Variants in GPC5 observed in about 807,000 individuals in gnomAD.
The protein encoded by GPC5 is glypican 5, also known as glypican-5.
A neutral mutation model predicts 53.9 loss-of-function variants in GPC5; 47 were observed. The ratio of observed to expected loss-of-function variants is 0.87; its 90% CI spans 0.69 to 1.11. The LOEUF (loss-of-function observed/expected upper bound fraction) is 1.11. GPC5 is among the 50% of genes most tolerant of loss of function. The pLI is 0.00. For missense variants in GPC5, 748 were observed against 713.1 expected, an observed-to-expected ratio of 1.05 and a Z score of -0.56; for synonymous variants, 286 against 263.3, an observed-to-expected ratio of 1.09 and a Z score of -0.84.
chr13:91,527,325 AG>A (rs555359050), intron 2 of GPC5, among the ~76,000 whole-genome samples: 120 of 152,354 alleles, frequency 7.9e-4, no homozygotes, highest in African/African-American at 2.8e-3. Context: ...AAGTGGCCAT[AG>A]GCCTTATGCA....
intron 5 of GPC5, among the ~76,000 whole-genome samples, chr13:91,857,343 T>C (rs900846615): frequency 1.3e-5 from 2 of 151,490 alleles, no homozygotes; most frequent in Non-Finnish European, 3.0e-5. Flanking sequence ...TTAACATGAT[T>C]GAGTCTTCTA....
chr13:92,039,681 T>C (rs916544984), intron 6 of GPC5, among the ~76,000 whole-genome samples: 1 of 152,118 alleles, frequency 6.6e-6, no homozygotes, highest in African/African-American at 2.4e-5. Flanking sequence ...GAGGTATGGG[T>C]AGATTGATTT....
intron 6 of GPC5, among the ~76,000 whole-genome samples, chr13:92,069,786 T>C (rs1445985837): frequency 6.6e-6 from 1 of 152,170 alleles, no homozygotes; most frequent in African/African-American, 2.4e-5. Context: ...AATTCCCATT[T>C]AGGATTCCCA....
At chr13:92,033,974 A>AT (rs1464997787) in intron 6 of GPC5, among the ~76,000 whole-genome samples, 1 of 152,160 alleles carries the variant, frequency 6.6e-6, no homozygotes, top group Non-Finnish European at 1.5e-5. Flanking sequence ...TAAACAACAT[A>AT]TTTTTCCATT....
chr13:92,504,978 T>C (rs1453828610), intron 7 of GPC5, among the ~76,000 whole-genome samples: 1 of 137,616 alleles, frequency 7.3e-6, no homozygotes, highest in Non-Finnish European at 1.6e-5. Flanking sequence ...TATATATTTA[T>C]ATATATATAT....
intron 7 of GPC5, among the ~76,000 whole-genome samples, chr13:92,562,033 A>T (rs977489512): frequency 2.0e-5 from 3 of 152,038 alleles, no homozygotes; most frequent in African/African-American, 7.2e-5. Context: ...ACAGTAGCTG[A>T]TGTGTTGCAC....
chr13:92,396,193 T>C (rs757606366), intron 7 of GPC5, among the ~76,000 whole-genome samples: 2 of 152,146 alleles, frequency 1.3e-5, no homozygotes, highest in Non-Finnish European at 2.9e-5. Context: ...TGCATTTTTG[T>C]TTGGGAAGTT....
intron 6 of GPC5, among the ~76,000 whole-genome samples, chr13:92,033,348 T>G (rs1175074870): frequency 2.6e-5 from 4 of 152,134 alleles, no homozygotes; most frequent in Non-Finnish European, 5.9e-5. Context: ...GTTTGTATCT[T>G]AATGCCAGTG....
intron 7 of GPC5, among the ~76,000 whole-genome samples, chr13:92,153,209 T>G (rs1014931428): frequency 2.0e-5 from 3 of 152,166 alleles, no homozygotes; most frequent in Admixed American, 1.3e-4. Flanking sequence ...CTCAGCTCAC[T>G]GCAACTTCCG....
intron 7 of GPC5, among the ~76,000 whole-genome samples, chr13:92,725,484 G>A (rs899277727): frequency 2.6e-5 from 4 of 151,368 alleles, no homozygotes; most frequent in Non-Finnish European, 4.4e-5. Context: ...TGCAACTCTA[G>A]AATCAGTTTA....
intron 7 of GPC5, among the ~76,000 whole-genome samples, chr13:92,539,737 A>G (rs1378825783): frequency 6.6e-6 from 1 of 151,546 alleles, no homozygotes; most frequent in African/African-American, 2.4e-5. Flanking sequence ...TATCTTGGTA[A>G]TATTGGTACT....
chr13:91,855,220 T>A (rs1256230511), intron 5 of GPC5, among the ~76,000 whole-genome samples: 1 of 151,748 alleles, frequency 6.6e-6, no homozygotes, highest in Non-Finnish European at 1.5e-5. Flanking sequence ...AACATGCTTT[T>A]CTAACTAGCT....
At chr13:91,659,281 G>T (rs1305247099) in intron 2 of GPC5, among the ~76,000 whole-genome samples, 2 of 152,204 alleles carry the variant, frequency 1.3e-5, no homozygotes, top group African/African-American at 2.4e-5. Flanking sequence ...CCAATAGGGA[G>T]CTTGGTGAGG....
intron 5 of GPC5, among the ~76,000 whole-genome samples, chr13:91,773,891 G>C (rs1321706623): frequency 6.6e-6 from 1 of 151,906 alleles, no homozygotes; most frequent in Non-Finnish European, 1.5e-5. Context: ...GTGTCTTTTG[G>C]GAGCTATTCA....
chr13:92,192,980 G>T (rs964345044), intron 7 of GPC5, among the ~76,000 whole-genome samples: 13 of 152,054 alleles, frequency 8.5e-5, no homozygotes, highest in Admixed American at 5.2e-4. Context: ...TTTGAGACCA[G>T]CCTGGCCAAC....
At chr13:92,405,804 C>T (rs939606090) in intron 7 of GPC5, among the ~76,000 whole-genome samples, 2 of 152,160 alleles carry the variant, frequency 1.3e-5, no homozygotes, top group African/African-American at 4.8e-5. Context: ...TATATTTACA[C>T]GTCCTCTGAA....
intron 2 of GPC5, among the ~76,000 whole-genome samples, chr13:91,631,902 G>A (rs1351945083): frequency 6.6e-6 from 1 of 152,136 alleles, no homozygotes; most frequent in Non-Finnish European, 1.5e-5. Flanking sequence ...GATAGGAAAG[G>A]GAGTTGAGAT....
At chr13:92,311,152 G>T (rs963209767) in intron 7 of GPC5, among the ~76,000 whole-genome samples, 1 of 151,948 alleles carries the variant, frequency 6.6e-6, no homozygotes, top group Non-Finnish European at 1.5e-5. Context: ...GAACATATAC[G>T]GGAGTCCATG....
At chr13:92,850,436 C>A (rs541719780) in intron 7 of GPC5, among the ~76,000 whole-genome samples, 2 of 152,104 alleles carry the variant, frequency 1.3e-5, no homozygotes, top group Non-Finnish European at 2.9e-5. Context: ...CTCATCCCTA[C>A]TAAAAATACA....
Sources: gnomAD v4.1 joint callset for allele counts (sites outside exome capture counted in the v4.1 genomes callset) on GRCh38, gnomAD v4.1.1 for gene constraint, MANE v1.5 for transcripts, NCBI Gene and HGNC (gene_info 2026-07-23, HGNC 2026-07-21) for gene names.